Variants in PAX2 observed in about 807,000 individuals in gnomAD.
PAX2 encodes the protein paired box 2.
In PAX2, 9 loss-of-function variants were observed where a neutral mutation model predicts 41.7. The ratio of observed to expected loss-of-function variants is 0.22; its 90% confidence interval spans 0.13 to 0.38. PAX2 has a LOEUF of 0.38. Ranked by LOEUF, PAX2 falls within the 10% of genes least tolerant of loss-of-function variation. The pLI, the probability that PAX2 is intolerant of heterozygous loss-of-function variation, is 1.00. For synonymous variants in PAX2, 221 were observed against 212.7 expected, an observed-to-expected ratio of 1.04 and a Z score of -0.34; for missense variants, 418 against 531.6, an observed-to-expected ratio of 0.79 and a Z score of 2.10.
At position 100,806,560 on chromosome 10, in the gene PAX2, C is replaced by T; in HGVS notation, c.747C>T (p.Ser249=). ...TGGATCGGGTCTTTGAGCGTCCTTC[C>T]TACCCTGACGTCTTCCAGGCATCAG... ...EALDRVFERP[S]YPDVFQASEH... is the part of the protein sequence containing the mutation. Residue 249 remains serine, a synonymous_variant, in exon 6 of 10, where the codon TCC becomes TCT. Coordinates refer to ENST00000355243, the MANE Select transcript of PAX2 (RefSeq NM_000278.5). 6.2e-7 allele frequency: 1 copy of T among 1,614,204 alleles called. No homozygotes were observed. Among genetic ancestry groups the T allele is most frequent in the Admixed American group, 1.7e-5 (1 of 60,032 alleles).
rs960309487 is a variant in PAX2, at chr10:100,829,718, G to A, written c.*2099G>A. 21 of 201,612 alleles carry A rather than the reference G, an allele frequency of 1.0e-4. 1 individual carries two copies. In the South Asian group the frequency reaches 3.2e-3, roughly 31 times the overall value. The allele number at this position is 201,612 out of a possible 1,614,324, so 12.5% of individuals were successfully genotyped here. ...GCCAGGCTCCAGTGGCCCGAACGGGGCGGCGAGGGCGGCGAGGGCGCCGAG... is the reference window on the plus strand; with the variant it reads ...GCCAGGCTCCAGTGGCCCGAACGGGACGGCGAGGGCGGCGAGGGCGCCGAG... On this transcript the variant is annotated 3_prime_UTR_variant, in exon 10 of 10. Coordinates refer to ENST00000355243, the MANE Select transcript of PAX2 (RefSeq NM_000278.5).
At chr10:100,825,751 G>A (rs1407911523) in intron 8 of PAX2, among the ~76,000 whole-genome samples, 2 of 152,150 alleles carry the variant, frequency 1.3e-5, no homozygotes, top group African/African-American at 2.4e-5. Context: ...TTGGGGTAGG[G>A]GCAGCGGCAA....
intron 6 of PAX2, among the ~76,000 whole-genome samples, chr10:100,808,308 C>G (rs1032250701): frequency 1.6e-4 from 25 of 151,948 alleles, no homozygotes; most frequent in African/African-American, 6.0e-4. Context: ...GAGGCAATCC[C>G]GTCCAGCCAT....
intron 3 of PAX2, among the ~76,000 whole-genome samples, chr10:100,755,511 A>C (rs181998998): frequency 6.6e-6 from 1 of 152,230 alleles, no homozygotes; most frequent in Non-Finnish European, 1.5e-5. Flanking sequence ...AATCACATCA[A>C]ATATGAAGAG....
At position 100,737,449 on chromosome 10, in the gene PAX2, C is replaced by CGGCCG. The variant is rs1844812230; in HGVS notation, c.25+1717_25+1718insGCCGG. ...GCGCGTGGCACAGCGGCCAGCGGCC[C>CGGCCG]GACTCCGCACCGCACTTCCTTTCCC... On this transcript the variant is annotated intron_variant, in intron 1 of 9. Coordinates refer to the PAX2 transcript ENST00000679374. Among the ~76,000 whole-genome samples, 5 of 152,208 alleles carry CGGCCG rather than the reference C, an allele frequency of 3.3e-5. 1 individual carries two copies. Among genetic ancestry groups the CGGCCG allele is most frequent in the South Asian group, 2.1e-4 (1 of 4,834 alleles).
In PAX2 at chr10:100,827,709, G is replaced by C; in HGVS notation, c.*90G>C. On this transcript the variant is annotated 3_prime_UTR_variant, in exon 10 of 10. Transcript: ENST00000355243. This position sits in a 1 kb window ranked among gnomAD's most constrained non-coding sequence, Gnocchi z 8.5. ...CCCCACCCCGGAGGGAGGGAGGACC[G>C]ACGCGACGCGATGCCTCCCGGCCAC... 1 of 1,609,116 alleles carries C rather than the reference G, an allele frequency of 6.2e-7. No homozygotes were observed. Among genetic ancestry groups the C allele is most frequent in the South Asian group, 1.1e-5 (1 of 90,782 alleles).
intron 5 of PAX2, among the ~76,000 whole-genome samples, chr10:100,784,922 C>T (rs959966774): frequency 1.1e-4 from 16 of 152,174 alleles, no homozygotes; most frequent in Non-Finnish European, 1.9e-4. Context: ...GAGGCTTTGA[C>T]CCTCATCCCA....
intron 3 of PAX2, among the ~76,000 whole-genome samples, chr10:100,766,119 G>A (rs1213917270): frequency 6.6e-6 from 1 of 152,228 alleles, no homozygotes; most frequent in Non-Finnish European, 1.5e-5. Context: ...CTAAGTAGCA[G>A]AAGTAGGATT....
Position 100,750,905 on chromosome 10 carries a change from C to T in PAX2, c.410+14C>T. ...TTCCATCAACAGGTGAGCAAGCCAC[C>T]CGGGTTTTCAGGGCTGGACTCCAGC... is the stretch of plus-strand genomic sequence containing the variant. On this transcript the variant is annotated intron_variant, in intron 3 of 9. Transcript: ENST00000355243. The surrounding 1 kb of genome is among the most constrained non-coding windows in gnomAD (Gnocchi z 4.1). The T allele has an allele frequency of 6.2e-7, 1 of 1,610,062 alleles. No individual in the cohort carries two copies. Among genetic ancestry groups the T allele is most frequent in the Admixed American group, 1.7e-5 (1 of 60,030 alleles).
At chr10:100,773,988 GAGAC>G (rs897010321) in intron 3 of PAX2, among the ~76,000 whole-genome samples, 15 of 152,236 alleles carry the variant, frequency 9.9e-5, no homozygotes, top group African/African-American at 2.9e-4. Context: ...AGGGTGCAAG[GAGAC>G]AGACAGACAG....
At chr10:100,806,950 C>T (rs185715996) in intron 6 of PAX2, among the ~76,000 whole-genome samples, 2 of 152,244 alleles carry the variant, frequency 1.3e-5, no homozygotes, top group Non-Finnish European at 2.9e-5. Flanking sequence ...GTGGTTCTTG[C>T]ATGGAGTACT....
chr10:100,812,919 G>A (rs1332209728), intron 7 of PAX2, among the ~76,000 whole-genome samples: 1 of 152,250 alleles, frequency 6.6e-6, no homozygotes, highest in Non-Finnish European at 1.5e-5. Context: ...ATGCTCTCTA[G>A]AAAAGGGTTG....
chr10:100,756,259 G>A (rs904013270), intron 3 of PAX2, among the ~76,000 whole-genome samples: 1 of 152,090 alleles, frequency 6.6e-6, no homozygotes, highest in Non-Finnish European at 1.5e-5. Flanking sequence ...TTCTTAGCAG[G>A]ACTGATGAAA....
chr10:100,765,804 T>C (rs1168150197), intron 3 of PAX2, among the ~76,000 whole-genome samples: 2 of 149,226 alleles, frequency 1.3e-5, no homozygotes, highest in Non-Finnish European at 3.0e-5. Context: ...CACACACACA[T>C]ACACCTCTTA....
At chr10:100,755,360 C>T (rs978849380) in intron 3 of PAX2, among the ~76,000 whole-genome samples, 2 of 152,088 alleles carry the variant, frequency 1.3e-5, no homozygotes, top group African/African-American at 2.4e-5. Context: ...TGGCAACTCT[C>T]GAGAAGAGGC....
intron 5 of PAX2, among the ~76,000 whole-genome samples, chr10:100,795,397 G>A (rs1316006984): frequency 6.6e-6 from 1 of 152,186 alleles, no homozygotes; most frequent in Non-Finnish European, 1.5e-5. Context: ...ATCAAGGCAT[G>A]AAGTCATATG....
rs1848623493 is a variant in PAX2, at chr10:100,827,599, G to A, written c.1165G>A (p.Ala389Thr). ...PRGSAPAAAA[A>T]AYDRH is the part of the protein sequence containing the mutation. ...GGGCTCCGCCCCTGCCGCTGCTGCC[G>A]CTGCCTATGACCGCCACTAGTTACC... Residue 389 changes from alanine (A) to threonine (T), a missense_variant, in exon 10 of 10, where the codon GCT becomes ACT. By Grantham distance (58) the Ala-to-Thr change is moderately conservative (BLOSUM62 0). Coordinates refer to ENST00000355243, the MANE Select transcript of PAX2 (RefSeq NM_000278.5). The surrounding 1 kb of genome is among the most constrained non-coding windows in gnomAD (Gnocchi z 8.5). 1 of 1,613,486 alleles carries A rather than the reference G, an allele frequency of 6.2e-7. No individual in the cohort carries two copies. The highest frequency in any genetic ancestry group is 8.5e-7 in the Non-Finnish European group (1 of 1,179,650).
At chr10:100,735,850 G>A in intron 1 of PAX2, 1 of 697,242 alleles carries the variant, frequency 1.4e-6, no homozygotes, top group Non-Finnish European at 1.8e-6. Context: ...GTACCCGGCG[G>A]GCGACGTGAA....
chr10:100,749,323 G>A, intron 1 of PAX2: 1 of 1,008,398 alleles, frequency 9.9e-7, no homozygotes, highest in Non-Finnish European at 1.2e-6. Flanking sequence ...CGCGCGGACA[G>A]CTCCCGGGTT....
Sources: gnomAD v4.1 joint callset for allele counts (sites outside exome capture counted in the v4.1 genomes callset) on GRCh38, gnomAD v4.1.1 for gene constraint, Gnocchi (gnomAD v3.1) non-coding constraint, MANE v1.5 for transcripts, NCBI Gene and HGNC (gene_info 2026-07-23, HGNC 2026-07-21) for gene names.